The following FBXL17 variants were observed in gnomAD, a reference collection of about 807,000 sequenced individuals.
FBXL17 encodes the protein F-box and leucine rich repeat protein 17.
Under a neutral mutation model 66.2 loss-of-function variants are expected in FBXL17, and 22 were observed. That is an observed-to-expected ratio of 0.33 (90% CI 0.24 to 0.47). FBXL17 has a LOEUF of 0.47. Ranked by LOEUF, FBXL17 falls within the 20% of genes least tolerant of loss-of-function variation. The probability of loss-of-function intolerance (pLI) is 1.00; values close to 1 mark genes in which losing one functional copy is unlikely to be tolerated. For missense variants in FBXL17, 878 were observed against 948.2 expected (o/e 0.93, Z 0.97); for synonymous variants, 474 against 400.5 (o/e 1.18, Z -2.19).
intron 5 of FBXL17, among the ~76,000 whole-genome samples, chr5:108,187,147 CTTT>C (rs982992498): frequency 6.6e-6 from 1 of 152,092 alleles, no homozygotes; most frequent in Non-Finnish European, 1.5e-5. Flanking sequence ...TTTTCTATTT[CTTT>C]AAGTTTCTTG....
At chr5:108,105,382 G>C (rs1749757899) in intron 6 of FBXL17, among the ~76,000 whole-genome samples, 1 of 152,192 alleles carries the variant, frequency 6.6e-6, no homozygotes, top group South Asian at 2.1e-4. Flanking sequence ...TTCAAAAGGT[G>C]ATTCAGGCAA....
At chr5:107,993,152 C>T (rs899707737) in intron 7 of FBXL17, among the ~76,000 whole-genome samples, 1 of 152,302 alleles carries the variant, frequency 6.6e-6, no homozygotes, top group Non-Finnish European at 1.5e-5. Context: ...ACCTTGGCCT[C>T]CCAAAGTGCT....
At chr5:108,376,625 T>A (rs1749440438) in intron 1 of FBXL17, among the ~76,000 whole-genome samples, 1 of 152,216 alleles carries the variant, frequency 6.6e-6, no homozygotes, top group African/African-American at 2.4e-5. Context: ...AATAGCAGTT[T>A]GAAGTCTTTG....
At chr5:108,298,490 G>A in intron 4 of FBXL17, 2 of 975,890 alleles carry the variant, frequency 2.0e-6, no homozygotes, top group Non-Finnish European at 2.4e-6. Flanking sequence ...AAAGCCCTAA[G>A]TTTTTCTTTA....
chr5:108,213,702 T>C (rs1754475561), intron 5 of FBXL17, among the ~76,000 whole-genome samples: 1 of 152,204 alleles, frequency 6.6e-6, no homozygotes, highest in South Asian at 2.1e-4. Flanking sequence ...TCATTTTCGC[T>C]GGGAGCTGCA....
At chr5:108,232,516 G>A (rs1461391800) in intron 4 of FBXL17, among the ~76,000 whole-genome samples, 1 of 151,688 alleles carries the variant, frequency 6.6e-6, no homozygotes, top group Non-Finnish European at 1.5e-5. Flanking sequence ...CAGTGGGCTG[G>A]GGAAGGCAGA....
chr5:107,900,822 G>T (rs1749551228), intron 7 of FBXL17, among the ~76,000 whole-genome samples: 1 of 152,054 alleles, frequency 6.6e-6, no homozygotes. Flanking sequence ...CCCTATAAAA[G>T]GAGCAAGTTG....
intron 8 of FBXL17, among the ~76,000 whole-genome samples, chr5:107,871,922 G>C (rs1748469782): frequency 6.6e-6 from 1 of 151,996 alleles, no homozygotes; most frequent in African/African-American, 2.4e-5. Flanking sequence ...CTAAAAGTCT[G>C]TTTTCTTTTG....
intron 6 of FBXL17, among the ~76,000 whole-genome samples, chr5:108,111,523 G>A (rs899453881): frequency 6.6e-6 from 1 of 152,134 alleles, no homozygotes; most frequent in African/African-American, 2.4e-5. Flanking sequence ...AGCAGAATAT[G>A]CTTATAAATT....
In FBXL17 at chr5:107,899,398, C is replaced by T. The variant is rs1580695230; in HGVS notation, c.1823-18219G>A. ...GCTCACACCTGTAATCCCAGCACTC[C>T]AGGAGGCCGAGGCGAGAGGGACAGC... On this transcript the variant is annotated intron_variant, in intron 7 of 8. Transcript: ENST00000542267. Among the ~76,000 whole-genome samples, 4 of 152,048 alleles carry T rather than the reference C, an allele frequency of 2.6e-5. No individual in the cohort carries two copies. In the South Asian group the frequency reaches 8.3e-4, roughly 32 times the overall value.
chr5:108,276,460 T>C (rs1475497720), intron 4 of FBXL17, among the ~76,000 whole-genome samples: 7 of 152,138 alleles, frequency 4.6e-5, no homozygotes, highest in Non-Finnish European at 1.0e-4. Context: ...ATTCAGTCCT[T>C]TTAGCAATGA....
At chr5:108,287,097 C>T (rs184776457) in intron 4 of FBXL17, among the ~76,000 whole-genome samples, 4 of 152,050 alleles carry the variant, frequency 2.6e-5, no homozygotes, top group Non-Finnish European at 2.9e-5. Context: ...GGATCCCTTC[C>T]TTACACCATC....
chr5:108,207,876 T>C (rs1366038013), intron 5 of FBXL17, among the ~76,000 whole-genome samples: 1 of 152,220 alleles, frequency 6.6e-6, no homozygotes, highest in East Asian at 1.9e-4. Context: ...TTTCTAGTTC[T>C]AGATCCTTAA....
At chr5:107,965,750 C>G (rs1404433393) in intron 7 of FBXL17, among the ~76,000 whole-genome samples, 3 of 152,172 alleles carry the variant, frequency 2.0e-5, no homozygotes, top group Non-Finnish European at 4.4e-5. Flanking sequence ...GTTAGACACT[C>G]TGAATTAGGA....
At chr5:108,015,621 G>A (rs953277623) in intron 7 of FBXL17, among the ~76,000 whole-genome samples, 5 of 152,100 alleles carry the variant, frequency 3.3e-5, no homozygotes, top group African/African-American at 1.2e-4. Flanking sequence ...TTTTTTTCTT[G>A]AATAATTTAT....
intron 1 of FBXL17, among the ~76,000 whole-genome samples, chr5:108,379,377 GCA>G (rs200748930): frequency 0.011 from 1,602 of 152,214 alleles, 17 homozygotes; most frequent in Non-Finnish European, 0.016. Flanking sequence ...ATGCACCTCT[GCA>G]CACAAAGAGT....
intron 6 of FBXL17, among the ~76,000 whole-genome samples, chr5:108,031,772 A>C (rs951298539): frequency 6.6e-6 from 1 of 152,162 alleles, no homozygotes; most frequent in Admixed American, 6.6e-5. Context: ...TATTTTACTG[A>C]ATTTTAACAC....
chr5:107,928,461 T>C (rs576382902), intron 7 of FBXL17, among the ~76,000 whole-genome samples: 30 of 151,912 alleles, frequency 2.0e-4, no homozygotes, highest in African/African-American at 6.8e-4. Flanking sequence ...CCACCCCAAA[T>C]ACTCCCTAGT....
intron 8 of FBXL17, among the ~76,000 whole-genome samples, chr5:107,871,050 T>C (rs1485960168): frequency 2.6e-5 from 1 of 37,776 alleles, no homozygotes; most frequent in Non-Finnish European, 4.4e-5. Flanking sequence ...ATATTACTCT[T>C]GGGCGGCAAA....
Sources: allele counts gnomAD v4.1 joint callset (sites outside exome capture counted in the v4.1 genomes callset), GRCh38; gene constraint gnomAD v4.1.1; transcripts MANE v1.5; gene names NCBI Gene and HGNC (gene_info 2026-07-23, HGNC 2026-07-21).